The following TBC1D4 variants were observed in gnomAD, a reference collection of about 807,000 sequenced individuals.
The protein encoded by TBC1D4 is TBC (Tre-2, BUB2, CDC16) domain-containing protein.
In TBC1D4, 121 loss-of-function variants were observed where a neutral mutation model predicts 142.5. The ratio of observed to expected loss-of-function variants is 0.85; its 90% CI spans 0.73 to 0.99. The LOEUF is 0.99. Among genes scored for constraint, TBC1D4 ranks in the 50% least tolerant of loss-of-function variants. The pLI is 0.00. For synonymous variants in TBC1D4, 630 were observed against 628.2 expected (o/e 1.00, Z -0.04); for missense variants, 1,475 against 1,606.6 (o/e 0.92, Z 1.40).
chr13:75,456,054 C>T (rs1047085973), intron 1 of TBC1D4, among the ~76,000 whole-genome samples: 1 of 151,870 alleles, frequency 6.6e-6, no homozygotes, highest in Non-Finnish European at 1.5e-5. Flanking sequence ...TGGCCTCACA[C>T]TCTTGAGCTC....
chr13:75,312,434 A>AGAG (rs1877859073), intron 13 of TBC1D4, among the ~76,000 whole-genome samples: 1 of 151,604 alleles, frequency 6.6e-6, no homozygotes, highest in African/African-American at 2.4e-5. Context: ...AAAAGAAAGA[A>AGAG]AGAAAGAAAG....
intron 1 of TBC1D4, among the ~76,000 whole-genome samples, chr13:75,399,046 G>C (rs1884946910): frequency 6.6e-6 from 1 of 152,108 alleles, no homozygotes; most frequent in South Asian, 2.1e-4. Context: ...CACTAGCTTA[G>C]AATAAATGAA....
At chr13:75,348,692 A>C (rs1232935111) in intron 5 of TBC1D4, among the ~76,000 whole-genome samples, 1 of 152,196 alleles carries the variant, frequency 6.6e-6, no homozygotes, top group African/African-American at 2.4e-5. Flanking sequence ...AATGTCCTTC[A>C]AAAGCCAAGC....
intron 1 of TBC1D4, among the ~76,000 whole-genome samples, chr13:75,410,126 A>T (rs1885565691): frequency 6.6e-6 from 1 of 152,338 alleles, no homozygotes; most frequent in Admixed American, 6.5e-5. Context: ...TACGTAAATA[A>T]CGGTGTATGC....
At chr13:75,433,184 CTCAT>C (rs1237401473) in intron 1 of TBC1D4, among the ~76,000 whole-genome samples, 1 of 152,164 alleles carries the variant, frequency 6.6e-6, no homozygotes, top group African/African-American at 2.4e-5. Context: ...CGTACTGCCA[CTCAT>C]TCATCAGATC....
intron 4 of TBC1D4, among the ~76,000 whole-genome samples, chr13:75,351,833 G>C (rs1482148927): frequency 6.6e-6 from 1 of 151,966 alleles, no homozygotes; most frequent in Non-Finnish European, 1.5e-5. Context: ...ATTTAGGTTG[G>C]TTCCAAGTCT....
chr13:75,321,065 T>C (rs1878731474), intron 11 of TBC1D4, among the ~76,000 whole-genome samples: 1 of 151,530 alleles, frequency 6.6e-6, no homozygotes, highest in East Asian at 1.9e-4. Flanking sequence ...GTAATGGTAT[T>C]GTTAGCGTAT....
intron 1 of TBC1D4, among the ~76,000 whole-genome samples, chr13:75,393,301 G>A (rs1842604420): frequency 6.6e-6 from 1 of 151,822 alleles, no homozygotes; most frequent in Admixed American, 6.6e-5. Flanking sequence ...CATTCTCCCA[G>A]GCTGGTCTCT....
At chr13:75,304,317 T>C (rs1467933887) in intron 15 of TBC1D4, among the ~76,000 whole-genome samples, 1 of 152,186 alleles carries the variant, frequency 6.6e-6, no homozygotes, top group Admixed American at 6.5e-5. Context: ...TTATTGAGCA[T>C]CCAGTATGTA....
chr13:75,381,748 T>C (rs1342532660), intron 1 of TBC1D4, among the ~76,000 whole-genome samples: 1 of 152,234 alleles, frequency 6.6e-6, no homozygotes, highest in Non-Finnish European at 1.5e-5. Context: ...GCCCTAAGTA[T>C]GCTAGGCGCT....
At chr13:75,335,225 C>T (rs551194654) in intron 8 of TBC1D4, among the ~76,000 whole-genome samples, 10 of 152,280 alleles carry the variant, frequency 6.6e-5, no homozygotes, top group African/African-American at 2.4e-4. Flanking sequence ...CTGCAAGAGG[C>T]TCCCACACCC....
At chr13:75,415,056 G>A (rs1885854322) in intron 1 of TBC1D4, among the ~76,000 whole-genome samples, 1 of 150,958 alleles carries the variant, frequency 6.6e-6, no homozygotes, top group South Asian at 2.1e-4. Context: ...CCCAGGAGGT[G>A]GAGGTTTCGG....
At chr13:75,466,477 C>T (rs959180707) in intron 1 of TBC1D4, among the ~76,000 whole-genome samples, 2 of 152,160 alleles carry the variant, frequency 1.3e-5, no homozygotes, top group African/African-American at 4.8e-5. Context: ...CAACAATTTT[C>T]TAATAATCAG....
At chr13:75,367,481 T>G (rs1255047736) in intron 1 of TBC1D4, among the ~76,000 whole-genome samples, 1 of 152,030 alleles carries the variant, frequency 6.6e-6, no homozygotes, top group African/African-American at 2.4e-5. Context: ...ATTATTAATC[T>G]TTTATAATAA....
chr13:75,297,231 G>A (rs760111012), intron 17 of TBC1D4, among the ~76,000 whole-genome samples: 11 of 152,082 alleles, frequency 7.2e-5, no homozygotes, highest in South Asian at 2.1e-4. Flanking sequence ...GTATAAATCC[G>A]ATTTACATGA....
chr13:75,444,839 T>A (rs1887205984), intron 1 of TBC1D4, among the ~76,000 whole-genome samples: 1 of 152,158 alleles, frequency 6.6e-6, no homozygotes, highest in African/African-American at 2.4e-5. Context: ...GACCCATGGG[T>A]CTACATTTCT....
In TBC1D4 at chr13:75,371,183, G is replaced by A. The variant is rs112050699; in HGVS notation, c.499-8576C>T. Reference sequence around the variant, plus strand: ...TAGGTTCAAAAGAAATTTCAAGAACGAAATTCAAAGCAATAGGAACAGACA... The same window carrying A: ...TAGGTTCAAAAGAAATTTCAAGAACAAAATTCAAAGCAATAGGAACAGACA... On this transcript the variant is annotated intron_variant, in intron 1 of 20. Coordinates refer to ENST00000377636, the MANE Select transcript of TBC1D4 (RefSeq NM_014832.5). Among the ~76,000 whole-genome samples the A allele has an allele frequency of 5.5e-3, 837 of 152,266 alleles. 13 individuals are homozygous for A. Among genetic ancestry groups the A allele is most frequent in the African/African-American group, 0.019 (794 of 41,564 alleles).
chr13:75,474,618 T>C (rs370250421), intron 1 of TBC1D4, among the ~76,000 whole-genome samples: 12 of 134,892 alleles, frequency 8.9e-5, no homozygotes, highest in African/African-American at 3.2e-4. Flanking sequence ...TCTACCAAGG[T>C]CTTGTGACCT....
At chr13:75,441,228 C>T (rs1887025406) in intron 1 of TBC1D4, among the ~76,000 whole-genome samples, 1 of 152,090 alleles carries the variant, frequency 6.6e-6, no homozygotes, top group Non-Finnish European at 1.5e-5. Context: ...TGCACTCCAG[C>T]TCGGGCAACA....
Sources: allele counts gnomAD v4.1 joint callset (sites outside exome capture counted in the v4.1 genomes callset), GRCh38; gene constraint gnomAD v4.1.1; transcripts MANE v1.5; gene names NCBI Gene and HGNC (gene_info 2026-07-23, HGNC 2026-07-21).